PCDH15: variants seen among roughly 807,000 people sequenced by gnomAD.
The protein encoded by PCDH15 is protocadherin related 15, also known as protocadherin-15.
A neutral mutation model predicts 178.5 loss-of-function variants in PCDH15; 129 were observed. The ratio of observed to expected loss-of-function variants is 0.72; its 90% confidence interval spans 0.63 to 0.84. The LOEUF is 0.84. Among genes scored for constraint, PCDH15 ranks in the 40% least tolerant of loss-of-function variants. PCDH15 has a pLI of 0.00. For synonymous variants in PCDH15, 800 were observed against 732.0 expected, an observed-to-expected ratio of 1.09 and a Z score of -1.50; for missense variants, 2,230 against 2,099.9, an observed-to-expected ratio of 1.06 and a Z score of -1.21.
chr10:55,200,308 C>T (rs569443913), intron 1 of PCDH15, among the ~76,000 whole-genome samples: 1 of 152,240 alleles, frequency 6.6e-6, no homozygotes, highest in South Asian at 2.1e-4. Flanking sequence ...TGGAGCTTTA[C>T]AATTTAGTGA....
At chr10:54,824,276 A>C (rs1953092248) in intron 3 of PCDH15, among the ~76,000 whole-genome samples, 2 of 152,262 alleles carry the variant, frequency 1.3e-5, no homozygotes, top group Admixed American at 6.6e-5. Context: ...GGGGTTATTA[A>C]ATTTTATAAT....
At chr10:55,321,799 T>C (rs1843909939), upstream of PCDH15, among the ~76,000 whole-genome samples, 1 of 152,142 alleles carries the variant, frequency 6.6e-6, no homozygotes. Context: ...TTCAGACAAG[T>C]AAATGCTAAA....
chr10:53,840,017 C>T (rs373663909), intron 29 of PCDH15, among the ~76,000 whole-genome samples: 2 of 152,144 alleles, frequency 1.3e-5, no homozygotes, highest in African/African-American at 2.4e-5. Flanking sequence ...ATAGCCAGTG[C>T]CCTTGAGCAA....
At chr10:55,175,386 AG>A (rs1353946147) in intron 1 of PCDH15, among the ~76,000 whole-genome samples, 2 of 152,056 alleles carry the variant, frequency 1.3e-5, no homozygotes, top group African/African-American at 4.8e-5. Context: ...ACCTGATATT[AG>A]GAGGAAGCTA....
chr10:55,302,275 T>C (rs1588894137), intron 1 of PCDH15, among the ~76,000 whole-genome samples: 2 of 152,254 alleles, frequency 1.3e-5, no homozygotes, highest in Admixed American at 1.3e-4. Context: ...TTTCATAAAG[T>C]TCTATAGTTT....
At chr10:55,537,438 T>TG (rs77432579) in intron 2 of PCDH15, among the ~76,000 whole-genome samples, 5,535 of 150,698 alleles carry the variant, frequency 0.037, 120 homozygotes, top group Middle Eastern at 0.089. Context: ...TATGTATGTA[T>TG]TTATTTATTT....
Position 54,796,304 on chromosome 10 carries a change from A to G in PCDH15, c.-29+4621T>C, listed in dbSNP as rs558524063. On this transcript the variant is annotated intron_variant, in intron 1 of 37. Coordinates refer to ENST00000644397, the MANE Select transcript of PCDH15 (RefSeq NM_001384140.1). ...TATGTATCTATCTATCTATCTATCT[A>G]TCTATCTATCTATCTATCATCATCA... is the stretch of plus-strand genomic sequence containing the variant. 3.4e-4 allele frequency among the ~76,000 whole-genome samples: 51 copies of G among 148,704 alleles called. 1 individual carries two copies. The South Asian group carries it at 0.011, about 31-fold the overall frequency.
chr10:55,237,762 T>C lies in PCDH15; in HGVS notation c.-155-71111A>G, dbSNP rs1364050477. 2.6e-5 allele frequency among the ~76,000 whole-genome samples: 4 copies of C among 151,948 alleles called. No individual in the cohort carries two copies. The East Asian group carries it at 7.7e-4, about 29-fold the overall frequency. On this transcript the variant is annotated intron_variant, in intron 1 of 5. Transcript: ENST00000458638. Reference sequence around the variant, plus strand: ...TGTTATTTTGTTTTAAACCAAAAAATAGAAAACCTTGGTAGATTGAATGCA... The same window carrying C: ...TGTTATTTTGTTTTAAACCAAAAAACAGAAAACCTTGGTAGATTGAATGCA...
intron 1 of PCDH15, among the ~76,000 whole-genome samples, chr10:54,755,422 TA>T (rs1229088970): frequency 6.6e-6 from 1 of 152,196 alleles, no homozygotes; most frequent in Non-Finnish European, 1.5e-5. Flanking sequence ...TGCAAACATT[TA>T]CTTAAGCTAA....
At chr10:54,119,113 G>A (rs780312853) in intron 15 of PCDH15, among the ~76,000 whole-genome samples, 1 of 151,976 alleles carries the variant, frequency 6.6e-6, no homozygotes, top group African/African-American at 2.4e-5. Flanking sequence ...TACCACCAAA[G>A]GATTCCACTA....
chr10:54,307,416 GA>G (rs894232708), intron 8 of PCDH15, among the ~76,000 whole-genome samples: 14 of 151,510 alleles, frequency 9.2e-5, no homozygotes, highest in African/African-American at 3.1e-4. Context: ...ACCTAGAGGG[GA>G]AACTCTGAAC....
rs868590007 is a variant in PCDH15 at position 54,962,245 on chromosome 10, A to T, written c.-79-64745T>A. 4.6e-5 allele frequency among the ~76,000 whole-genome samples: 7 copies of T among 151,706 alleles called. No homozygotes were observed. In the Middle Eastern group the frequency reaches 0.017, roughly 379 times the overall value. ...AGCCCAGACCTTGGTATTCCCTAAG[A>T]CAGAGCTGCTGTAACACTACAGTCC... On this transcript the variant is annotated intron_variant, in intron 2 of 5. Transcript: ENST00000458638.
intron 1 of PCDH15, among the ~76,000 whole-genome samples, chr10:54,755,843 T>C (rs1947006859): frequency 6.6e-6 from 1 of 152,134 alleles, no homozygotes; most frequent in Admixed American, 6.6e-5. Context: ...ATATTTATAA[T>C]AATAAGTGCA....
intron 6 of PCDH15, among the ~76,000 whole-genome samples, chr10:54,341,044 T>C (rs1290960910): frequency 6.6e-6 from 1 of 152,150 alleles, no homozygotes; most frequent in African/African-American, 2.4e-5. Flanking sequence ...ATTGGGAGAC[T>C]ATATTTCCCT....
At chr10:55,160,026 T>C (rs1839019527) in intron 2 of PCDH15, among the ~76,000 whole-genome samples, 1 of 151,812 alleles carries the variant, frequency 6.6e-6, no homozygotes, top group African/African-American at 2.4e-5. Flanking sequence ...CCAAATCTTC[T>C]TCTACCCTTT....
chr10:54,884,360 T>C (rs1203405094), intron 3 of PCDH15, among the ~76,000 whole-genome samples: 1 of 152,082 alleles, frequency 6.6e-6, no homozygotes, highest in Non-Finnish European at 1.5e-5. Context: ...CTTTCTACTT[T>C]ATAATAAGAT....
chr10:54,844,600 T>G (rs1218332827), intron 3 of PCDH15, among the ~76,000 whole-genome samples: 1 of 152,028 alleles, frequency 6.6e-6, no homozygotes. Context: ...TGGTGCATCC[T>G]GAGTAAAGGC....
chr10:55,114,756 A>C (rs2132059808), intron 2 of PCDH15, among the ~76,000 whole-genome samples: 1 of 152,336 alleles, frequency 6.6e-6, no homozygotes, highest in Admixed American at 6.5e-5. Flanking sequence ...TGGATTTCAC[A>C]ACTTCATAGA....
At chr10:54,031,857 A>C (rs2093303981) in intron 18 of PCDH15, among the ~76,000 whole-genome samples, 1 of 152,066 alleles carries the variant, frequency 6.6e-6, no homozygotes, top group Non-Finnish European at 1.5e-5. Flanking sequence ...ATGTTCATTA[A>C]ATGTATTTAC....
Sources: allele counts gnomAD v4.1 joint callset (sites outside exome capture counted in the v4.1 genomes callset), GRCh38; gene constraint gnomAD v4.1.1; transcripts MANE v1.5; gene names NCBI Gene and HGNC (gene_info 2026-07-23, HGNC 2026-07-21).